The following ATP8B3 variants were observed in gnomAD, a reference collection of about 807,000 sequenced individuals.
ATP8B3 encodes the protein phospholipid-transporting ATPase IK.
Under a neutral mutation model 140.9 loss-of-function variants are expected in ATP8B3, and 141 were observed. That is an observed-to-expected ratio of 1.00 (90% CI 0.87 to 1.15). The LOEUF is 1.15. Among genes scored for constraint, ATP8B3 ranks in the 50% most tolerant of loss-of-function variants. ATP8B3 has a pLI of 0.00. For missense variants in ATP8B3, 1,874 were observed against 1,740.6 expected (o/e 1.08, Z -1.36); for synonymous variants, 765 against 714.6 (o/e 1.07, Z -1.13).
At chr19:1,786,466 T>C (rs1383598870) in intron 25 of ATP8B3, among the ~76,000 whole-genome samples, 1 of 151,192 alleles carries the variant, frequency 6.6e-6, no homozygotes, top group Non-Finnish European at 1.5e-5. Flanking sequence ...CTCAGGAGGC[T>C]GAGGCAGGAG....
chr19:1,796,215 C>T lies in ATP8B3; in HGVS notation c.1804G>A (p.Ala602Thr), dbSNP rs754467645. Residue 602 changes from alanine to threonine, a missense_variant, in exon 17 of 29, where the codon GCA becomes ACA. Ala to Thr is a moderately conservative substitution (Grantham distance 58, BLOSUM62 0). Coordinates refer to ENST00000310127, the MANE Select transcript of ATP8B3 (RefSeq NM_138813.4). ...AACACGTAGCCGAAGTTCCGGGCTG[C>T]GGTGACCAGCGCCCCCTCGTCGGGG... The part of the protein sequence containing the change: ...ASPDEGALVT[A>T]ARNFGYVFLS... 6.8e-6 allele frequency: 11 copies of T among 1,612,522 alleles called. No individual in the cohort carries two copies. The highest frequency in any genetic ancestry group is 1.3e-5 in the African/African-American group (1 of 74,930).
chr19:1,785,117 C>T (rs1218605861), intron 27 of ATP8B3, 42 bp downstream of exon 27: 1 of 1,508,942 alleles, frequency 6.6e-7, no homozygotes, highest in Non-Finnish European at 8.9e-7. Context: ...CGGGGCTCCC[C>T]TGCACCACGA....
chr19:1,796,343 A>G (rs2068674332), intron 16 of ATP8B3, 78 bp from the exon 17 acceptor site: 1 of 1,325,208 alleles, frequency 7.5e-7, no homozygotes, highest in African/African-American at 1.4e-5. Context: ...GGAGATGGGT[A>G]TCGCCTGGGC....
intron 28 of ATP8B3, among the ~76,000 whole-genome samples, chr19:1,783,570 C>T (rs2068220664): frequency 1.3e-5 from 2 of 152,226 alleles, no homozygotes; most frequent in Non-Finnish European, 2.9e-5. Context: ...CAGAGTCCTT[C>T]CCTGGGACTT....
In ATP8B3 at chr19:1,790,789, C is replaced by G. The variant is rs934449720; in HGVS notation, c.2346G>C (p.Glu782Asp). 3 of 1,606,344 alleles carry G rather than the reference C, an allele frequency of 1.9e-6. No homozygotes were observed. Among genetic ancestry groups the G allele is most frequent in the Admixed American group, 1.7e-5 (1 of 59,338 alleles). The part of the protein sequence containing the change: ...NIGFACELLS[E>D]NMLILEEKEI... ...CCTTCTCCTCCAGAATGAGCATATT[C>G]TCTGACAGCAGCTCGCAGGCGAAGC... The change falls in exon 21 of 29, where the codon GAG (glutamate) becomes GAC (aspartate). Residue 782 changes from glutamate (E) to aspartate (D), a missense_variant. Around this residue, in one of 3 missense-constraint regions of ATP8B3, gnomAD observed 840 missense variants for 760.9 expected, o/e 1.10. Transcript: ENST00000310127.
At chr19:1,786,247 G>A (rs1006755860) in intron 25 of ATP8B3, among the ~76,000 whole-genome samples, 1 of 151,974 alleles carries the variant, frequency 6.6e-6, no homozygotes, top group South Asian at 2.1e-4. Flanking sequence ...GGCAGTTTAC[G>A]TGATTTGTAT....
At position 1,800,890 on chromosome 19, in the gene ATP8B3, G is replaced by A. The variant is rs111639039; in HGVS notation, c.1153-441C>T. On this transcript the variant is annotated intron_variant, in intron 12 of 28. Transcript: ENST00000310127. The surrounding 1 kb of genome is among the most constrained non-coding windows in gnomAD (Gnocchi z 4.4). Reference sequence around the variant, plus strand: ...CTCTCCCAGGCTGGAGTGCAGTGGCGCGATCTTGGCTCACAGCAAGCTCCG... The same window carrying A: ...CTCTCCCAGGCTGGAGTGCAGTGGCACGATCTTGGCTCACAGCAAGCTCCG... Among the ~76,000 whole-genome samples the A allele has an allele frequency of 0.18, 26,280 of 149,222 alleles. 2,543 individuals carry two copies. The highest frequency in any genetic ancestry group is 0.25 in the South Asian group (1,163 of 4,710).
At chr19:1,789,318 C>T (rs2145176395) in intron 23 of ATP8B3, 43 bp downstream of exon 23, 2 of 1,455,014 alleles carry the variant, frequency 1.4e-6, no homozygotes, top group East Asian at 2.6e-5. Context: ...TCAGCCGCCC[C>T]CCACTCGTCC....
chr19:1,807,591 C>T lies in ATP8B3; in HGVS notation c.517-325G>A, dbSNP rs1323602257. ...CACTGCTCCCCCTCCCTCCCATGTCCCTGCTTCCCCAGGTCACCCTGCAGG... is the reference window on the plus strand; with the variant it reads ...CACTGCTCCCCCTCCCTCCCATGTCTCTGCTTCCCCAGGTCACCCTGCAGG... On this transcript the variant is annotated intron_variant, in intron 5 of 28. Transcript: ENST00000310127. This position sits in a 1 kb window ranked among gnomAD's most constrained non-coding sequence, Gnocchi z 5.9. Among the ~76,000 whole-genome samples the T allele has an allele frequency of 4.6e-5, 7 of 152,234 alleles. No homozygotes were observed. The highest frequency in any genetic ancestry group is 4.6e-4 in the Admixed American group (7 of 15,282).
rs1568615538 is a variant in ATP8B3, at chr19:1,785,283, GA to G, written c.3407del (p.Ile1136ThrfsTer22). 1 of 1,601,714 alleles carries G rather than the reference GA, an allele frequency of 6.2e-7. No individual in the cohort carries two copies. The highest frequency in any genetic ancestry group is 8.5e-7 in the Non-Finnish European group (1 of 1,174,066). Reference protein sequence around the residue: ...LSITMEVILIIKYWTALCVAT... With the variant: ...LSITMEVILIXKYWTALCVAT... ...CCACGCACAGGGCGGTCCAGTACTTGATGATAAGAATGACCTGGACAGGCAG... is the reference window on the plus strand; with the variant it reads ...CCACGCACAGGGCGGTCCAGTACTTGTGATAAGAATGACCTGGACAGGCAG... On this transcript the variant is annotated frameshift_variant, in exon 27 of 29. Transcript: ENST00000310127. LOFTEE classifies it high-confidence loss of function.
At chr19:1,785,059 G>A (rs1395546146) in intron 27 of ATP8B3, 100 bp downstream of exon 27, 48 of 1,488,010 alleles carry the variant, frequency 3.2e-5, no homozygotes, top group Non-Finnish European at 3.1e-5. Context: ...GCCTTCCCCA[G>A]GACACTTTGC....
In ATP8B3 at chr19:1,791,854, C is replaced by G. The variant is rs774362153; in HGVS notation, c.2198G>C (p.Gly733Ala). ...NRAQALQQLL[G>A]ATAIEDRLQD... Reference sequence around the variant, plus strand: ...GAGTCTGTCCTCGATGGCTGTGGCTCCCAGCAGCTGGTGGGGGAGGAGGGC... The same window carrying G: ...GAGTCTGTCCTCGATGGCTGTGGCTGCCAGCAGCTGGTGGGGGAGGAGGGC... The change falls in exon 20 of 29, where the codon GGA becomes GCA. Residue 733 changes from glycine to alanine, a missense_variant. Gly to Ala is a moderately conservative substitution (Grantham distance 60). Transcript: ENST00000310127. The G allele has an allele frequency of 6.2e-7, 1 of 1,610,934 alleles. No homozygotes were observed. The highest frequency in any genetic ancestry group is 1.1e-5 in the South Asian group (1 of 91,072).
chr19:1,810,597 C>T (rs748387082), intron 3 of ATP8B3, 25 bp downstream of exon 3: 8 of 1,608,716 alleles, frequency 5.0e-6, no homozygotes, highest in East Asian at 2.2e-5. Flanking sequence ...CCACCTGCAC[C>T]GCCCCCTCTG....
At chr19:1,796,575 G>T in intron 16 of ATP8B3, 136 bp downstream of exon 16, 1 of 1,164,224 alleles carries the variant, frequency 8.6e-7, no homozygotes. Flanking sequence ...AGGTGCGGCT[G>T]GTGTCACACC....
At chr19:1,811,268 G>A (rs555828663) in intron 2 of ATP8B3, among the ~76,000 whole-genome samples, 11 of 152,320 alleles carry the variant, frequency 7.2e-5, no homozygotes, top group South Asian at 2.1e-4. Flanking sequence ...GGAGGCAGAC[G>A]GACATCGTCA....
rs528297398 is a variant in ATP8B3 at position 1,805,748 on chromosome 19, C to T, written c.821+140G>A. On this transcript the variant is annotated intron_variant, in intron 9 of 28. Coordinates refer to ENST00000310127, the MANE Select transcript of ATP8B3 (RefSeq NM_138813.4). This position sits in a 1 kb window ranked among gnomAD's most constrained non-coding sequence, Gnocchi z 5.2. The stretch of plus-strand genomic sequence containing the variant: ...TCCCCTCAGTGCCTGGCAGCACCCA[C>T]GCCCCAGACACTCATGGGGTGAGTG... 822 of 1,011,456 alleles carry T rather than the reference C, an allele frequency of 8.1e-4. 1 individual carries two copies. The highest frequency in any genetic ancestry group is 1.0e-3 in the Non-Finnish European group (685 of 679,566). The allele number at this position is 1,011,456 out of a possible 1,614,324, so 62.7% of individuals were successfully genotyped here. A position where few individuals can be genotyped will look rare whatever the true frequency, so the allele number is the denominator to read the frequency against.
chr19:1,787,499 C>T (rs889035376), intron 24 of ATP8B3, among the ~76,000 whole-genome samples: 3 of 151,974 alleles, frequency 2.0e-5, no homozygotes, highest in Non-Finnish European at 2.9e-5. Context: ...AAGGCCGAGG[C>T]GGGCAGATCA....
In ATP8B3 at chr19:1,792,137, T is replaced by A; in HGVS notation, c.2056-2A>T. On this transcript the variant is annotated splice_acceptor_variant, in intron 18 of 28. Coordinates refer to ENST00000310127, the MANE Select transcript of ATP8B3 (RefSeq NM_138813.4). LOFTEE classifies it high-confidence loss of function. ...CCGCAGGGTCTCCTGGGCAAAGGCC[T>A]GGGGGCCGGGCAGGTGGAAGCTGTC... 1 of 1,572,132 alleles carries A rather than the reference T, an allele frequency of 6.4e-7. No homozygotes were observed. Among genetic ancestry groups the A allele is most frequent in the Non-Finnish European group, 8.6e-7 (1 of 1,166,576 alleles).
intron 10 of ATP8B3, among the ~76,000 whole-genome samples, chr19:1,803,896 CA>C (rs56937286): frequency 0.23 from 17,004 of 72,546 alleles, 594 homozygotes; most frequent in South Asian, 0.29. Context: ...GACTCTGTCT[CA>C]AAAAAAAAAA....
Sources: gnomAD v4.1 joint callset for allele counts (sites outside exome capture counted in the v4.1 genomes callset) on GRCh38, gnomAD v4.1.1 for gene constraint, gnomAD v4.1.1 regional missense constraint, Gnocchi (gnomAD v3.1) non-coding constraint, MANE v1.5 for transcripts, NCBI Gene and HGNC (gene_info 2026-07-23, HGNC 2026-07-21) for gene names.